The following MACROD1 variants were observed in gnomAD, a reference collection of about 807,000 sequenced individuals.
MACROD1 encodes the protein ADP-ribose glycohydrolase MACROD1.
Under a neutral mutation model 41.4 loss-of-function variants are expected in MACROD1, and 31 were observed. The ratio of observed to expected loss-of-function variants is 0.75; its 90% confidence interval spans 0.56 to 1.01. MACROD1 has a LOEUF of 1.01. Among genes scored for constraint, MACROD1 ranks in the 50% least tolerant of loss-of-function variants. MACROD1 has a pLI of 0.00. For missense variants in MACROD1, 473 were observed against 460.0 expected (o/e 1.03, Z -0.26); for synonymous variants, 252 against 203.4 (o/e 1.24, Z -2.03).
chr11:63,999,458 T>G, intron 7 of MACROD1, 54 bp from the exon 8 acceptor site: 1 of 1,561,086 alleles, frequency 6.4e-7, no homozygotes, highest in Non-Finnish European at 8.7e-7. Flanking sequence ...CCCACTCCCC[T>G]GTCCGCCCCG....
intron 3 of MACROD1, among the ~76,000 whole-genome samples, chr11:64,127,678 G>A (rs1425078634): frequency 1.3e-5 from 2 of 152,216 alleles, no homozygotes; most frequent in Admixed American, 6.5e-5. Context: ...CGTAGACTCC[G>A]AGGGGTCTCT....
intron 3 of MACROD1, among the ~76,000 whole-genome samples, chr11:64,018,832 T>C (rs1943116140): frequency 6.6e-6 from 1 of 152,128 alleles, no homozygotes; most frequent in Non-Finnish European, 1.5e-5. Flanking sequence ...ACAGCTCCTT[T>C]TCTTGACCCC....
chr11:64,098,924 G>C (rs1301036635), intron 3 of MACROD1, among the ~76,000 whole-genome samples: 3 of 152,242 alleles, frequency 2.0e-5, no homozygotes, highest in Non-Finnish European at 4.4e-5. Context: ...AGAGCCAAAG[G>C]TTGAAATGAA....
chr11:64,012,925 G>A (rs1050679589), intron 4 of MACROD1, among the ~76,000 whole-genome samples: 2 of 152,030 alleles, frequency 1.3e-5, no homozygotes, highest in African/African-American at 4.8e-5. Context: ...AGCCTTAACC[G>A]CCCGGGCTCA....
At chr11:64,118,803 G>C (rs528466299) in intron 3 of MACROD1, 1 of 167,754 alleles carries the variant, frequency 6.0e-6, no homozygotes, top group African/African-American at 2.4e-5. Context: ...GGGAAGAAAA[G>C]ATCTTTTGCC....
chr11:64,145,186 A>T (rs924342944), intron 3 of MACROD1, among the ~76,000 whole-genome samples: 1 of 152,188 alleles, frequency 6.6e-6, no homozygotes, highest in South Asian at 2.1e-4. Context: ...TATTTTAAAT[A>T]AATAAGCGGC....
Position 64,096,501 on chromosome 11 carries a change from C to T in MACROD1, c.517+54738G>A, listed in dbSNP as rs563903794. ...TATGATCTCGGCTCACTGCAACCTCCGCCTTCCGGGTTCAAGCAATTCTCT... is the reference window on the plus strand; with the variant it reads ...TATGATCTCGGCTCACTGCAACCTCTGCCTTCCGGGTTCAAGCAATTCTCT... On this transcript the variant is annotated intron_variant, in intron 3 of 10. Coordinates refer to ENST00000255681, the MANE Select transcript of MACROD1 (RefSeq NM_014067.4). This position sits in a 1 kb window ranked among gnomAD's most constrained non-coding sequence, Gnocchi z 4.6. Among the ~76,000 whole-genome samples the T allele has an allele frequency of 1.7e-3, 253 of 151,908 alleles. 1 individual carries two copies. Among genetic ancestry groups the T allele is most frequent in the Non-Finnish European group, 2.2e-3 (151 of 67,924 alleles).
intron 3 of MACROD1, among the ~76,000 whole-genome samples, chr11:64,057,782 T>C (rs1480196591): frequency 1.3e-5 from 2 of 152,252 alleles, no homozygotes; most frequent in African/African-American, 4.8e-5. Flanking sequence ...TGTTGAGCGC[T>C]TACTCTGTAC....
chr11:64,105,642 C>T (rs1048889948), intron 3 of MACROD1, among the ~76,000 whole-genome samples: 6 of 152,134 alleles, frequency 3.9e-5, no homozygotes, highest in African/African-American at 1.4e-4. Flanking sequence ...ACCCCACAGG[C>T]GTGAGTGACC....
At chr11:64,056,466 G>A (rs561058258) in intron 3 of MACROD1, among the ~76,000 whole-genome samples, 12 of 152,348 alleles carry the variant, frequency 7.9e-5, no homozygotes, top group Admixed American at 6.5e-4. Flanking sequence ...GAGCAGCTGC[G>A]GGAACAGGAG....
intron 3 of MACROD1, among the ~76,000 whole-genome samples, chr11:64,061,410 C>T (rs1943901320): frequency 6.6e-6 from 1 of 152,194 alleles, no homozygotes; most frequent in Non-Finnish European, 1.5e-5. Flanking sequence ...AGACCCCAGG[C>T]CGGCCTCCCA....
intron 3 of MACROD1, among the ~76,000 whole-genome samples, chr11:64,143,650 G>A (rs554523159): frequency 5.4e-4 from 82 of 151,830 alleles, no homozygotes; most frequent in African/African-American, 1.8e-3. Flanking sequence ...TTTCCTGGCC[G>A]TGAGGACAGA....
At chr11:64,115,030 A>G (rs960114361) in intron 3 of MACROD1, among the ~76,000 whole-genome samples, 2 of 152,168 alleles carry the variant, frequency 1.3e-5, no homozygotes, top group African/African-American at 4.8e-5. Context: ...TGGCTCAGTG[A>G]GCAGGTGCCG....
intron 3 of MACROD1, 140 bp downstream of exon 3, chr11:64,151,099 G>A: frequency 1.5e-6 from 1 of 687,794 alleles, no homozygotes; most frequent in Non-Finnish European, 2.5e-6. Context: ...ACGTTGGGCT[G>A]CCATGGCGCC....
chr11:64,090,938 G>A lies in MACROD1; in HGVS notation c.517+60301C>T, dbSNP rs1944478838. On this transcript the variant is annotated intron_variant, in intron 3 of 10. Coordinates refer to ENST00000255681, the MANE Select transcript of MACROD1 (RefSeq NM_014067.4). This position sits in a 1 kb window ranked among gnomAD's most constrained non-coding sequence, Gnocchi z 4.7. Reference sequence around the variant, plus strand: ...TCACAGTTTGGTCTGCCCTGTAGGGGGCACTGGCAGAATCTGCAGCACTGA... The same window carrying A: ...TCACAGTTTGGTCTGCCCTGTAGGGAGCACTGGCAGAATCTGCAGCACTGA... Among the ~76,000 whole-genome samples, 1 of 151,950 alleles carries A rather than the reference G, an allele frequency of 6.6e-6. No individual in the cohort carries two copies. Among genetic ancestry groups the A allele is most frequent in the African/African-American group, 2.4e-5 (1 of 41,332 alleles).
chr11:64,027,638 C>T (rs1743648391), intron 3 of MACROD1, among the ~76,000 whole-genome samples: 1 of 152,108 alleles, frequency 6.6e-6, no homozygotes, highest in South Asian at 2.1e-4. Flanking sequence ...TCATGTCTAG[C>T]CCACCCAGAG....
intron 3 of MACROD1, among the ~76,000 whole-genome samples, chr11:64,023,318 C>A (rs1402527076): frequency 6.6e-6 from 1 of 152,152 alleles, no homozygotes; most frequent in Non-Finnish European, 1.5e-5. Flanking sequence ...GGTCCTGAAA[C>A]CCCCAGCTGT....
At chr11:64,112,216 A>G (rs1038504923) in intron 3 of MACROD1, among the ~76,000 whole-genome samples, 1 of 152,164 alleles carries the variant, frequency 6.6e-6, no homozygotes, top group African/African-American at 2.4e-5. Flanking sequence ...GGGGAGACAG[A>G]CAATAAAAAC....
chr11:64,111,812 G>A (rs1048781599), intron 3 of MACROD1, among the ~76,000 whole-genome samples: 2 of 152,212 alleles, frequency 1.3e-5, no homozygotes, highest in African/African-American at 2.4e-5. Context: ...CCAATGTAAT[G>A]AAAGGTGAGG....
Sources: gnomAD v4.1 joint callset for allele counts (sites outside exome capture counted in the v4.1 genomes callset) on GRCh38, gnomAD v4.1.1 for gene constraint, Gnocchi (gnomAD v3.1) non-coding constraint, MANE v1.5 for transcripts, NCBI Gene and HGNC (gene_info 2026-07-23, HGNC 2026-07-21) for gene names.